The following RYR3 variants were observed in gnomAD, a reference collection of about 807,000 sequenced individuals.
The protein encoded by RYR3 is ryanodine receptor 3, also known as brain ryanodine receptor-calcium release channel.
RYR3 carries 207 observed loss-of-function variants against 584.3 expected under a neutral mutation model. The ratio of observed to expected loss-of-function variants is 0.35; its 90% CI spans 0.32 to 0.40. The LOEUF (loss-of-function observed/expected upper bound fraction) is 0.40. Among genes scored for constraint, RYR3 ranks in the 10% least tolerant of loss-of-function variants. The probability of loss-of-function intolerance (pLI) is 1.00; values close to 1 mark genes in which losing one functional copy is unlikely to be tolerated. For missense variants in RYR3, 5,616 were observed against 6,089.2 expected (o/e 0.92, Z 2.59); for synonymous variants, 2,416 against 2,248.5 (o/e 1.07, Z -2.11).
intron 38 of RYR3, among the ~76,000 whole-genome samples, chr15:33,683,139 C>T (rs972128854): frequency 6.6e-6 from 1 of 151,924 alleles, no homozygotes; most frequent in Admixed American, 6.5e-5. Flanking sequence ...GGACTACAGG[C>T]GCCTGCCACC....
chr15:33,698,069 A>G lies in RYR3; in HGVS notation c.6249+73A>G, dbSNP rs1055441617. 3 of 1,009,470 alleles carry G rather than the reference A, an allele frequency of 3.0e-6. No individual in the cohort carries two copies. The African/African-American group carries it at 4.7e-5, about 16-fold the overall frequency. The allele number at this position is 1,009,470 out of a possible 1,614,324, so 62.5% of individuals were successfully genotyped here. ...AGCACGAGGTGACTTGTTCAGAGCC[A>G]CGTGGCTGGTGTCCCTTGCCTCAGT... is the stretch of plus-strand genomic sequence containing the variant. On this transcript the variant is annotated intron_variant, in intron 40 of 103. Coordinates refer to ENST00000634891, the MANE Select transcript of RYR3 (RefSeq NM_001036.6).
chr15:33,511,194 T>TGACAGCAC (rs1567409052), intron 3 of RYR3, among the ~76,000 whole-genome samples: 1 of 152,108 alleles, frequency 6.6e-6, no homozygotes, highest in African/African-American at 2.4e-5. Context: ...ATTGCTTGCT[T>TGACAGCAC]ATAGTTTGTT....
Position 33,739,883 on chromosome 15 carries a change from G to T in RYR3, c.7708G>T (p.Ala2570Ser). ...GGCCCTGCCTTGTCTCAGTGCTATA[G>T]CTGGGGCCTTGCCACCAGATTATTT... is the stretch of plus-strand genomic sequence containing the variant. ...RMALPCLSAI[A>S]GALPPDYLDT... The change falls in exon 51 of 104, where the codon GCT becomes TCT. Residue 2570 changes from alanine (A) to serine (S), a missense_variant. Ala to Ser is a moderately conservative substitution (Grantham distance 99). Coordinates refer to ENST00000634891, the MANE Select transcript of RYR3 (RefSeq NM_001036.6). 6.2e-7 allele frequency: 1 copy of T among 1,613,682 alleles called. No individual in the cohort carries two copies.
chr15:33,680,910 A>G (rs574752476), intron 38 of RYR3, among the ~76,000 whole-genome samples: 1 of 152,294 alleles, frequency 6.6e-6, no homozygotes, highest in South Asian at 2.1e-4. Flanking sequence ...TGATTTTCAG[A>G]GGGAGAACAG....
chr15:33,316,860 C>T (rs929589846), intron 1 of RYR3, among the ~76,000 whole-genome samples: 5 of 152,304 alleles, frequency 3.3e-5, no homozygotes, highest in Non-Finnish European at 2.9e-5. Context: ...GTCTTTGTTG[C>T]GGGTCCTTCC....
At chr15:33,376,299 T>A (rs1378897390) in intron 1 of RYR3, among the ~76,000 whole-genome samples, 1 of 152,214 alleles carries the variant, frequency 6.6e-6, no homozygotes, top group Non-Finnish European at 1.5e-5. Flanking sequence ...GTATCAGTAG[T>A]TTGTTCCTTT....
intron 16 of RYR3, among the ~76,000 whole-genome samples, chr15:33,594,330 A>G (rs2059272931): frequency 6.6e-6 from 1 of 152,232 alleles, no homozygotes; most frequent in Non-Finnish European, 1.5e-5. Flanking sequence ...CTCTATTGCC[A>G]TGAATTGAGA....
At chr15:33,691,414 G>T (rs2065421000) in intron 38 of RYR3, among the ~76,000 whole-genome samples, 1 of 152,262 alleles carries the variant, frequency 6.6e-6, no homozygotes, top group Admixed American at 6.5e-5. Context: ...GCTCCCAGTG[G>T]CAGCTAAACA....
At chr15:33,515,784 C>T (rs1265603902) in intron 3 of RYR3, among the ~76,000 whole-genome samples, 1 of 152,190 alleles carries the variant, frequency 6.6e-6, no homozygotes, top group Non-Finnish European at 1.5e-5. Context: ...TCAGTTCTGC[C>T]AGTCTCTTTC....
intron 60 of RYR3, among the ~76,000 whole-genome samples, chr15:33,761,395 CAAT>C (rs1464772234): frequency 2.6e-5 from 4 of 151,990 alleles, no homozygotes; most frequent in Admixed American, 6.6e-5. Flanking sequence ...CAAATAGACA[CAAT>C]AAAAAATGAT....
intron 1 of RYR3, among the ~76,000 whole-genome samples, chr15:33,385,730 G>T (rs1214369724): frequency 4.3e-5 from 5 of 116,624 alleles, no homozygotes; most frequent in African/African-American, 6.8e-5. Context: ...TTGAGACAGG[G>T]TCTCACTCTG....
chr15:33,823,044 A>G lies in RYR3; in HGVS notation c.11044A>G (p.Ser3682Gly). 1 of 1,613,606 alleles carries G rather than the reference A, an allele frequency of 6.2e-7. No individual in the cohort carries two copies. The highest frequency in any genetic ancestry group is 1.1e-5 in the South Asian group (1 of 90,984). ...GAAAAAGGATGCTGGATTCTTTCAA[A>G]GCCTTTCTGGTCTTATGCAGTCTTG... ...KEKKDAGFFQ[S>G]LSGLMQSCSV... Residue 3682 changes from serine to glycine, a missense_variant, in exon 81 of 104, where the codon AGC (serine) becomes GGC (glycine). Around this residue, in one of 9 missense-constraint regions of RYR3, gnomAD observed 954 missense variants for 1,132.2 expected, o/e 0.84. Coordinates refer to ENST00000634891, the MANE Select transcript of RYR3 (RefSeq NM_001036.6).
At chr15:33,641,853 A>T (rs1216597627) in intron 27 of RYR3, among the ~76,000 whole-genome samples, 1 of 152,142 alleles carries the variant, frequency 6.6e-6, no homozygotes, top group Admixed American at 6.5e-5. Flanking sequence ...CAGGGACAAC[A>T]CTTTACTCTC....
chr15:33,810,400 C>A, intron 70 of RYR3, 79 bp from the exon 71 acceptor site: 1 of 1,463,172 alleles, frequency 6.8e-7, no homozygotes, highest in Non-Finnish European at 9.4e-7. Context: ...CACAAGGAGG[C>A]AGGCTGCCTC....
At chr15:33,706,130 C>A (rs1003164455) in intron 42 of RYR3, among the ~76,000 whole-genome samples, 1 of 151,798 alleles carries the variant, frequency 6.6e-6, no homozygotes, top group Non-Finnish European at 1.5e-5. Flanking sequence ...GGCCTCACAG[C>A]TATCTTATAA....
At chr15:33,682,176 G>C (rs1349947874) in intron 38 of RYR3, among the ~76,000 whole-genome samples, 1 of 152,152 alleles carries the variant, frequency 6.6e-6, no homozygotes, top group East Asian at 1.9e-4. Context: ...GGTGGGCTTG[G>C]TTTCTAAAGT....
chr15:33,385,700 T>TTTTTC (rs1567139208), intron 1 of RYR3, among the ~76,000 whole-genome samples: 27 of 74,190 alleles, frequency 3.6e-4, no homozygotes, highest in Middle Eastern at 6.6e-3. Context: ...TTTTTTTTTC[T>TTTTTC]TTTTCTTTTC....
intron 10 of RYR3, among the ~76,000 whole-genome samples, chr15:33,559,256 A>G (rs2057275229): frequency 6.6e-6 from 1 of 152,228 alleles, no homozygotes; most frequent in South Asian, 2.1e-4. Flanking sequence ...GAATGTGTAC[A>G]GGTATCCTCC....
intron 1 of RYR3, among the ~76,000 whole-genome samples, chr15:33,319,948 C>G (rs1456593476): frequency 6.6e-6 from 1 of 152,134 alleles, no homozygotes; most frequent in African/African-American, 2.4e-5. Flanking sequence ...AATCTAAACA[C>G]TTTGGGGTCA....
Sources: gnomAD v4.1 joint callset for allele counts (sites outside exome capture counted in the v4.1 genomes callset) on GRCh38, gnomAD v4.1.1 for gene constraint, gnomAD v4.1.1 regional missense constraint, MANE v1.5 for transcripts, NCBI Gene and HGNC (gene_info 2026-07-23, HGNC 2026-07-21) for gene names.